ITPR2: variants seen among roughly 807,000 people sequenced by gnomAD.
ITPR2 encodes inositol 1,4,5-trisphosphate receptor type 2.
A neutral mutation model predicts 317.1 loss-of-function variants in ITPR2; 207 were observed. The ratio of observed to expected loss-of-function variants is 0.65; its 90% CI spans 0.58 to 0.73. ITPR2 has a LOEUF of 0.73. ITPR2 is among the 30% of genes least tolerant of loss of function. The probability of loss-of-function intolerance (pLI) is 0.00; values close to 1 mark genes in which losing one functional copy is unlikely to be tolerated. For synonymous variants in ITPR2, 1,156 were observed against 1,149.1 expected, an observed-to-expected ratio of 1.01 and a Z score of -0.12; for missense variants, 2,613 against 3,284.0, an observed-to-expected ratio of 0.80 and a Z score of 4.99.
Position 26,568,008 on chromosome 12 carries a change from A to T in ITPR2, c.4631-6056T>A, listed in dbSNP as rs1413057798. Reference sequence around the variant, plus strand: ...TATATATATATATATTATATATATTATATATATATATATATATATATATAA... The same window carrying T: ...TATATATATATATATTATATATATTTTATATATATATATATATATATATAA... On this transcript the variant is annotated intron_variant, in intron 34 of 56. Coordinates refer to ENST00000381340, the MANE Select transcript of ITPR2 (RefSeq NM_002223.4). Among the ~76,000 whole-genome samples, 17 of 5,490 alleles carry T rather than the reference A, an allele frequency of 3.1e-3. 2 individuals are homozygous for T. The highest frequency in any genetic ancestry group is 0.011 in the East Asian group (12 of 1,044). The allele number at this position is 5,490 out of a possible 152,430, so 3.6% of individuals were successfully genotyped here.
chr12:26,723,248 T>C (rs1186162071), intron 4 of ITPR2, among the ~76,000 whole-genome samples: 1 of 152,112 alleles, frequency 6.6e-6, no homozygotes, highest in Admixed American at 6.6e-5. Context: ...GTACTCACAA[T>C]ATAAGTAAGA....
chr12:26,724,141 A>G (rs59624653), intron 4 of ITPR2, among the ~76,000 whole-genome samples: 6,776 of 152,272 alleles, frequency 0.044, 512 homozygotes, highest in African/African-American at 0.16. Context: ...GGTGGGGCAT[A>G]TATTAACAAA....
At chr12:26,488,362 A>C (rs1185223510) in intron 39 of ITPR2, among the ~76,000 whole-genome samples, 1 of 152,032 alleles carries the variant, frequency 6.6e-6, no homozygotes, top group Admixed American at 6.6e-5. Flanking sequence ...AGTTTGGGGG[A>C]GTTTGCCCCA....
intron 2 of ITPR2, among the ~76,000 whole-genome samples, chr12:26,737,873 G>A (rs574263738): frequency 6.6e-5 from 10 of 152,074 alleles, no homozygotes; most frequent in East Asian, 3.9e-4. Flanking sequence ...TTGCAGTATC[G>A]GAAGCATGAT....
At chr12:26,729,616 T>C (rs904316942) in intron 2 of ITPR2, among the ~76,000 whole-genome samples, 2 of 152,120 alleles carry the variant, frequency 1.3e-5, no homozygotes, top group Admixed American at 6.6e-5. Context: ...TGGAATACTA[T>C]GCAGCCATAA....
intron 2 of ITPR2, among the ~76,000 whole-genome samples, chr12:26,736,536 G>C (rs1396511519): frequency 6.6e-6 from 1 of 152,136 alleles, no homozygotes; most frequent in African/African-American, 2.4e-5. Flanking sequence ...AAATTGCCTA[G>C]ACCTTAGGCT....
chr12:26,752,703 A>G (rs906844060), intron 2 of ITPR2, among the ~76,000 whole-genome samples: 2 of 152,152 alleles, frequency 1.3e-5, no homozygotes, highest in African/African-American at 2.4e-5. Context: ...ACTTGCTTTC[A>G]CTTTACGGAC....
chr12:26,696,175 T>C (rs1323438914), intron 9 of ITPR2, among the ~76,000 whole-genome samples: 2 of 152,008 alleles, frequency 1.3e-5, no homozygotes, highest in Non-Finnish European at 2.9e-5. Flanking sequence ...GAGAGTGGCA[T>C]TTTGGGGCCA....
chr12:26,768,611 G>A (rs1403914140), intron 2 of ITPR2, among the ~76,000 whole-genome samples: 2 of 128,206 alleles, frequency 1.6e-5, no homozygotes, highest in Admixed American at 1.7e-4. Flanking sequence ...CCTGTTTCCT[G>A]ACTGTTCCTC....
At chr12:26,821,680 A>G (rs1434929779) in intron 1 of ITPR2, among the ~76,000 whole-genome samples, 1 of 152,240 alleles carries the variant, frequency 6.6e-6, no homozygotes, top group East Asian at 1.9e-4. Context: ...AACTTCATCC[A>G]TGTGGGCAAA....
chr12:26,563,849 T>G (rs1313142024), intron 34 of ITPR2, among the ~76,000 whole-genome samples: 4 of 152,208 alleles, frequency 2.6e-5, no homozygotes, highest in African/African-American at 9.6e-5. Flanking sequence ...CCTTTAAAAC[T>G]GCAGTGGAAA....
intron 55 of ITPR2, among the ~76,000 whole-genome samples, chr12:26,351,227 GTCCAGC>G (rs1938474962): frequency 6.6e-6 from 1 of 152,204 alleles, no homozygotes; most frequent in Non-Finnish European, 1.5e-5. Context: ...GGGAGGTGGA[GTCCAGC>G]TCCCAGAACT....
intron 26 of ITPR2, among the ~76,000 whole-genome samples, chr12:26,612,476 T>C (rs1946290195): frequency 1.3e-5 from 2 of 152,216 alleles, no homozygotes; most frequent in African/African-American, 4.8e-5. Flanking sequence ...TTTCATCCTG[T>C]TTACAATACA....
chr12:26,818,675 G>A (rs1231358004), intron 1 of ITPR2, among the ~76,000 whole-genome samples: 10 of 151,950 alleles, frequency 6.6e-5, no homozygotes, highest in South Asian at 2.1e-4. Context: ...CACAAGTATA[G>A]GACTCTGAGT....
intron 45 of ITPR2, among the ~76,000 whole-genome samples, chr12:26,468,186 T>C (rs1942215658): frequency 6.6e-6 from 1 of 151,742 alleles, no homozygotes; most frequent in African/African-American, 2.4e-5. Context: ...GTTTGGATCT[T>C]AAGGGTATGA....
intron 51 of ITPR2, among the ~76,000 whole-genome samples, chr12:26,414,122 T>C (rs1482486490): frequency 6.6e-6 from 1 of 150,854 alleles, no homozygotes; most frequent in Non-Finnish European, 1.5e-5. Context: ...TGTAAAACTC[T>C]GGGAAAAGTA....
intron 37 of ITPR2, among the ~76,000 whole-genome samples, chr12:26,497,406 G>A (rs61914032): frequency 0.054 from 3,271 of 60,506 alleles, 42 homozygotes; most frequent in South Asian, 0.13. Flanking sequence ...CGCCTGCCTC[G>A]GCCTCCCAAA....
chr12:26,343,363 G>T (rs1938198749), intron 55 of ITPR2, among the ~76,000 whole-genome samples: 1 of 152,188 alleles, frequency 6.6e-6, no homozygotes, highest in African/African-American at 2.4e-5. Context: ...GGGTGAGAGT[G>T]CCTTAAGTCT....
intron 34 of ITPR2, among the ~76,000 whole-genome samples, chr12:26,564,524 T>C (rs886166636): frequency 8.5e-5 from 13 of 152,206 alleles, no homozygotes; most frequent in Admixed American, 8.5e-4. Flanking sequence ...TGTGACCTTA[T>C]TTGGAAATAC....
Sources: allele counts gnomAD v4.1 joint callset (sites outside exome capture counted in the v4.1 genomes callset), GRCh38; gene constraint gnomAD v4.1.1; transcripts MANE v1.5; gene names NCBI Gene and HGNC (gene_info 2026-07-23, HGNC 2026-07-21).